Variants in BTAF1 observed in about 807,000 individuals in gnomAD.
BTAF1 encodes TATA-binding protein-associated factor 172.
In BTAF1, 38 loss-of-function variants were observed where a neutral mutation model predicts 227.1. That is an observed-to-expected ratio of 0.17 (90% CI 0.13 to 0.22). The LOEUF (loss-of-function observed/expected upper bound fraction) is 0.22. BTAF1 is among the 10% of genes least tolerant of loss of function. BTAF1 has a pLI of 1.00. For synonymous variants in BTAF1, 742 were observed against 751.9 expected (o/e 0.99, Z 0.21); for missense variants, 1,598 against 2,204.0 (o/e 0.73, Z 5.51).
rs1435377840 is a variant in BTAF1 at position 91,956,621 on chromosome 10, T to G, written c.795T>G (p.Ile265Met). The G allele has an allele frequency of 1.9e-6, 3 of 1,610,012 alleles. No homozygotes were observed. In the African/African-American group the frequency reaches 4.0e-5, roughly 22 times the overall value. Residue 265 changes from isoleucine to methionine, a missense_variant, in exon 7 of 38, where the codon ATT (isoleucine) becomes ATG (methionine). Ile to Met is a conservative substitution (Grantham distance 10, BLOSUM62 1). Around this residue, in one of 10 missense-constraint regions of BTAF1, gnomAD observed 298 missense variants for 395.2 expected, o/e 0.75. Coordinates refer to ENST00000265990, the MANE Select transcript of BTAF1 (RefSeq NM_003972.3). Reference sequence around the variant, plus strand: ...CTGCAAATGATTCCAAAGTCTTGATTGATAATATTCCAGACAGCTCTTCCT... The same window carrying G: ...CTGCAAATGATTCCAAAGTCTTGATGGATAATATTCCAGACAGCTCTTCCT... ...NQSANDSKVL[I>M]DNIPDSSSLI...
intron 5 of BTAF1, 84 bp downstream of exon 5, chr10:91,951,650 A>C: frequency 1.4e-6 from 2 of 1,400,836 alleles, no homozygotes; most frequent in Non-Finnish European, 9.6e-7. Context: ...TAGTTTAAGA[A>C]AATGTTATAC....
At chr10:91,970,283 A>G (rs1176894698) in intron 14 of BTAF1, among the ~76,000 whole-genome samples, 1 of 152,084 alleles carries the variant, frequency 6.6e-6, no homozygotes, top group Non-Finnish European at 1.5e-5. Context: ...AATTAGTGTG[A>G]GATTCTGTGC....
intron 22 of BTAF1, 152 bp downstream of exon 22, chr10:91,993,999 A>AT: frequency 1.7e-6 from 1 of 585,798 alleles, no homozygotes; most frequent in Non-Finnish European, 2.6e-6. Flanking sequence ...TTTAAAAAAA[A>AT]CACACACCTT....
At chr10:91,946,418 A>G (rs1291706775) in intron 4 of BTAF1, among the ~76,000 whole-genome samples, 4 of 152,242 alleles carry the variant, frequency 2.6e-5, no homozygotes, top group African/African-American at 9.6e-5. Context: ...TTTTGTTTGG[A>G]CATATGTTTT....
intron 23 of BTAF1, among the ~76,000 whole-genome samples, 163 bp downstream of exon 23, chr10:91,994,807 G>T (rs1020280069): frequency 6.6e-6 from 1 of 152,192 alleles, no homozygotes; most frequent in African/African-American, 2.4e-5. Context: ...TGCAACTCCT[G>T]TGGGCTTTGA....
intron 13 of BTAF1, among the ~76,000 whole-genome samples, chr10:91,966,206 G>A (rs962093687): frequency 4.6e-5 from 7 of 152,190 alleles, no homozygotes; most frequent in African/African-American, 1.4e-4. Flanking sequence ...TGGCACCAAA[G>A]GGAGATGGAA....
chr10:91,953,693 T>C (rs1397175687), intron 5 of BTAF1, 44 bp from the exon 6 acceptor site: 2 of 1,596,400 alleles, frequency 1.3e-6, no homozygotes, highest in African/African-American at 2.7e-5. Flanking sequence ...AGGTACTTAT[T>C]TTAATTTCAA....
intron 33 of BTAF1, among the ~76,000 whole-genome samples, 176 bp downstream of exon 33, chr10:92,016,641 A>G (rs1850754286): frequency 6.6e-6 from 1 of 151,984 alleles, no homozygotes; most frequent in East Asian, 1.9e-4. Flanking sequence ...ATGCCTGGAT[A>G]ATTTTTGTAT....
Position 91,992,350 on chromosome 10 carries a change from A to G in BTAF1, c.3045+41A>G, listed in dbSNP as rs139720922. On this transcript the variant is annotated intron_variant, in intron 21 of 37. Coordinates refer to ENST00000265990, the MANE Select transcript of BTAF1 (RefSeq NM_003972.3). ...TTTTTTTTAATGCTTTGATTTTTAA[A>G]CAAATATCTGACTTACAAATTGAGA... The G allele has an allele frequency of 6.8e-5, 101 of 1,492,062 alleles. No homozygotes were observed. The East Asian group carries it at 2.2e-3, about 32-fold the overall frequency. 92.4% of individuals were successfully genotyped at this position (1,492,062 alleles called of 1,614,324 possible).
intron 23 of BTAF1, among the ~76,000 whole-genome samples, chr10:91,995,261 A>C (rs186563666): frequency 6.6e-6 from 1 of 152,240 alleles, no homozygotes; most frequent in East Asian, 1.9e-4. Context: ...CCAGTTCTCT[A>C]TTGTTATTTA....
chr10:91,965,512 G>A (rs1307129084), intron 13 of BTAF1, among the ~76,000 whole-genome samples: 2 of 152,038 alleles, frequency 1.3e-5, no homozygotes, highest in Admixed American at 1.3e-4. Context: ...CTTAGTGGAT[G>A]GTGTCAGAAA....
At chr10:91,990,774 CAA>C (rs1848677779) in intron 20 of BTAF1, among the ~76,000 whole-genome samples, 1 of 151,196 alleles carries the variant, frequency 6.6e-6, no homozygotes, top group Non-Finnish European at 1.5e-5. Flanking sequence ...GCCTGGGCAA[CAA>C]GAGTGAAACT....
In BTAF1 at chr10:91,964,155, A is replaced by T; in HGVS notation, c.1483A>T (p.Thr495Ser). 6.2e-7 allele frequency: 1 copy of T among 1,612,846 alleles called. No homozygotes were observed. Among genetic ancestry groups the T allele is most frequent in the Non-Finnish European group, 8.5e-7 (1 of 1,179,310 alleles). The change falls in exon 13 of 38, where the codon ACT (threonine) becomes TCT (serine). Residue 495 changes from threonine (T) to serine (S), a missense_variant. By Grantham distance (58) the Thr-to-Ser change is moderately conservative. Transcript: ENST00000265990. ...AACAGCTTCAACAAATAGTATTATG[A>T]CTCTCCTTTCATCCTTGTTAACTTA... ...DLTASTNSIM[T>S]LLSSLLTYPQ...
chr10:91,942,467 G>A lies in BTAF1; in HGVS notation c.299G>A (p.Arg100Gln), dbSNP rs1313990753. The change falls in exon 4 of 38, where the codon CGA (arginine) becomes CAA (glutamine). Residue 100 changes from arginine (R) to glutamine (Q), a missense_variant. Physicochemically the swap from Arg to Gln is conservative, Grantham distance 43. Transcript: ENST00000265990. ...ATGGAAGATTCACCTACTACAGAGC[G>A]ATTGAATTTTGACAGATTTGATATA... is the stretch of plus-strand genomic sequence containing the variant. Reference protein sequence around the residue: ...SSMEDSPTTERLNFDRFDICR... With the variant: ...SSMEDSPTTEQLNFDRFDICR... 6.2e-6 allele frequency: 10 copies of A among 1,613,928 alleles called. No homozygotes were observed. Among genetic ancestry groups the A allele is most frequent in the Non-Finnish European group, 8.5e-6 (10 of 1,179,838 alleles).
intron 15 of BTAF1, among the ~76,000 whole-genome samples, 188 bp from the exon 16 acceptor site, chr10:91,981,454 AC>A (rs1848055404): frequency 6.6e-6 from 1 of 152,008 alleles, no homozygotes; most frequent in African/African-American, 2.4e-5. Flanking sequence ...CCTTTGCATG[AC>A]TTTTTTTTTA....
chr10:91,965,443 G>A (rs970228224), intron 13 of BTAF1, among the ~76,000 whole-genome samples: 15 of 152,142 alleles, frequency 9.9e-5, no homozygotes, highest in Non-Finnish European at 2.9e-5. Context: ...GAACGTGCCT[G>A]TGTACACATA....
At chr10:91,951,043 C>T (rs1845738286) in intron 4 of BTAF1, among the ~76,000 whole-genome samples, 1 of 152,058 alleles carries the variant, frequency 6.6e-6, no homozygotes, top group South Asian at 2.1e-4. Context: ...CCAGACTGGT[C>T]TCAAACTCCT....
chr10:92,011,115 A>C lies in BTAF1; in HGVS notation c.4146A>C (p.Ser1382=). 1 of 1,606,162 alleles carries C rather than the reference A, an allele frequency of 6.2e-7. No homozygotes were observed. Among genetic ancestry groups the C allele is most frequent in the Middle Eastern group, 1.7e-4 (1 of 5,864 alleles). The change falls in exon 29 of 38, where the codon TCA becomes TCC. Residue 1382 remains serine (S), a synonymous_variant. Coordinates refer to ENST00000265990, the MANE Select transcript of BTAF1 (RefSeq NM_003972.3). ...QVKRHNLIVA[S]YDVVRNDIDF... ...AAAGGCACAATCTAATAGTGGCTTC[A>C]TATGATGTTGTGAGGAATGACATAG... is the stretch of plus-strand genomic sequence containing the variant.
At chr10:91,986,940 C>T (rs1001340640) in intron 19 of BTAF1, among the ~76,000 whole-genome samples, 10 of 151,966 alleles carry the variant, frequency 6.6e-5, no homozygotes, top group Non-Finnish European at 4.4e-5. Context: ...TTCCTGTTAC[C>T]TGCCAAATAT....
Sources: gnomAD v4.1 joint callset for allele counts (sites outside exome capture counted in the v4.1 genomes callset) on GRCh38, gnomAD v4.1.1 for gene constraint, gnomAD v4.1.1 regional missense constraint, MANE v1.5 for transcripts, NCBI Gene and HGNC (gene_info 2026-07-23, HGNC 2026-07-21) for gene names.